The following TENM2 variants were observed in gnomAD, a reference collection of about 807,000 sequenced individuals.
TENM2 encodes teneurin transmembrane protein 2.
Under a neutral mutation model 245.2 loss-of-function variants are expected in TENM2, and 52 were observed. The ratio of observed to expected loss-of-function variants is 0.21; its 90% CI spans 0.17 to 0.27. The LOEUF is 0.27. Ranked by LOEUF, TENM2 falls within the 10% of genes least tolerant of loss-of-function variation. The pLI is 1.00. For missense variants in TENM2, 3,046 were observed against 3,666.8 expected (o/e 0.83, Z 4.37); for synonymous variants, 1,363 against 1,438.9 (o/e 0.95, Z 1.19).
chr5:167,707,388 G>T (rs1561692394), intron 2 of TENM2, among the ~76,000 whole-genome samples: 1 of 151,950 alleles, frequency 6.6e-6, no homozygotes, highest in Non-Finnish European at 1.5e-5. Context: ...TTGTTTTCTT[G>T]TTTTCTTTGC....
chr5:167,475,476 AT>A lies in TENM2; in HGVS notation c.502+100012del, dbSNP rs957650555. On this transcript the variant is annotated intron_variant, in intron 2 of 28. Coordinates refer to ENST00000518659, the Ensembl canonical transcript of TENM2. ...TAAAAATTTATTTAAAAAGCATATA[AT>A]TTTTTTTTGTTTGTTTTTACTTTAA... 7.3e-5 allele frequency among the ~76,000 whole-genome samples: 11 copies of A among 151,650 alleles called. No individual in the cohort carries two copies. In the South Asian group the frequency reaches 1.3e-3, roughly 17 times the overall value.
At chr5:167,630,251 G>A (rs1172837794) in intron 2 of TENM2, among the ~76,000 whole-genome samples, 2 of 151,976 alleles carry the variant, frequency 1.3e-5, no homozygotes, top group Non-Finnish European at 2.9e-5. Flanking sequence ...GTGCTTTGGG[G>A]CCATTATCAG....
rs554454313 is a variant in TENM2 at position 168,000,593 on chromosome 5, A to T, written c.1186+7411A>T. Among the ~76,000 whole-genome samples, 10 of 152,342 alleles carry T rather than the reference A, an allele frequency of 6.6e-5. No homozygotes were observed. In the South Asian group the frequency reaches 2.1e-3, roughly 32 times the overall value. On this transcript the variant is annotated intron_variant, in intron 5 of 28. Transcript: ENST00000518659. ...TGCATGCAACTCTTCTTCAAATCCAATGTCATCAATTATGAGAAATGCCAT... is the reference window on the plus strand; with the variant it reads ...TGCATGCAACTCTTCTTCAAATCCATTGTCATCAATTATGAGAAATGCCAT...
chr5:167,294,890 A>G (rs1253924285), intron 1 of TENM2, among the ~76,000 whole-genome samples: 1 of 152,078 alleles, frequency 6.6e-6, no homozygotes, highest in Non-Finnish European at 1.5e-5. Flanking sequence ...CTTGTGGAAT[A>G]CCTCTCTGCC....
Position 168,247,711 on chromosome 5 carries a change from G to C in TENM2, c.6772G>C (p.Gly2258Arg), listed in dbSNP as rs1265081367. ...CCTCCGGGATCGGATAACCAGACTC[G>C]GGGATGTGCAGTACAAAATTGACGA... The change falls in exon 27 of 29, where the codon GGG becomes CGG. Residue 2258 changes from glycine to arginine, a missense_variant. Gly to Arg is a moderately radical substitution (Grantham distance 125). Around this residue, in one of 2 missense-constraint regions of TENM2, gnomAD observed 2,704 missense variants for 3,331.9 expected, o/e 0.81. Transcript: ENST00000518659. The surrounding 1 kb of genome is among the most constrained non-coding windows in gnomAD (Gnocchi z 7.8). 6.2e-7 allele frequency: 1 copy of C among 1,613,856 alleles called. No individual in the cohort carries two copies. The highest frequency in any genetic ancestry group is 1.3e-5 in the African/African-American group (1 of 75,042).
At chr5:167,648,395 T>G (rs768169973) in intron 2 of TENM2, among the ~76,000 whole-genome samples, 9 of 152,224 alleles carry the variant, frequency 5.9e-5, no homozygotes, top group Non-Finnish European at 1.3e-4. Context: ...GGAATTATCT[T>G]TTGCTCACTA....
chr5:167,995,071 A>G (rs976036170), intron 5 of TENM2, among the ~76,000 whole-genome samples: 2 of 151,990 alleles, frequency 1.3e-5, no homozygotes, highest in Non-Finnish European at 2.9e-5. Flanking sequence ...AGTGAGCACC[A>G]CGGGGCCAGT....
At chr5:167,813,262 G>C (rs1232585624) in intron 2 of TENM2, among the ~76,000 whole-genome samples, 1 of 152,072 alleles carries the variant, frequency 6.6e-6, no homozygotes, top group African/African-American at 2.4e-5. Flanking sequence ...GTTTCCAGCA[G>C]TGAAATAAAG....
the TENM2 span, among the ~76,000 whole-genome samples, chr5:167,234,120 C>T: frequency 0.21 from 31,693 of 151,988 alleles, 3,883 homozygotes; most frequent in African/African-American, 0.34. Context: ...AGAAATAACA[C>T]AGGAGACTGG....
At chr5:167,172,624 CTTT>C in the TENM2 span, among the ~76,000 whole-genome samples, 1 of 139,838 alleles carries the variant, frequency 7.2e-6, no homozygotes. Flanking sequence ...TCATTTTCAT[CTTT>C]TTTTTTTTTT....
At chr5:167,083,622 C>T in the TENM2 span, among the ~76,000 whole-genome samples, 3,797 of 152,106 alleles carry the variant, frequency 0.025, 170 homozygotes, top group African/African-American at 0.085. Context: ...AGTGAAATGC[C>T]GGTAGCACAA....
chr5:167,941,436 T>C (rs193055585), intron 3 of TENM2, among the ~76,000 whole-genome samples: 6 of 152,330 alleles, frequency 3.9e-5, no homozygotes, highest in Non-Finnish European at 5.9e-5. Flanking sequence ...ACTGATTATT[T>C]TGATATTCTG....
At position 168,244,326 on chromosome 5, in the gene TENM2, T is replaced by G; in HGVS notation, c.5521-94T>G. 2 of 1,036,482 alleles carry G rather than the reference T, an allele frequency of 1.9e-6. No homozygotes were observed. Among genetic ancestry groups the G allele is most frequent in the Non-Finnish European group, 2.7e-6 (2 of 746,446 alleles). 64.2% of individuals were successfully genotyped at this position (1,036,482 alleles called of 1,614,324 possible). On this transcript the variant is annotated intron_variant, in intron 25 of 28. Coordinates refer to ENST00000518659, the Ensembl canonical transcript of TENM2. The surrounding 1 kb of genome is among the most constrained non-coding windows in gnomAD (Gnocchi z 4.9). ...GTTATTTCTTCCTCCAGTGAACACT[T>G]AAGCCCTGGCCATGCCAGCCATGTC...
intron 2 of TENM2, among the ~76,000 whole-genome samples, chr5:167,489,729 G>A (rs916085188): frequency 6.6e-6 from 1 of 152,152 alleles, no homozygotes; most frequent in African/African-American, 2.4e-5. Context: ...AGCACAGTAT[G>A]TACTGGATAT....
At chr5:167,160,357 A>G in the TENM2 span, among the ~76,000 whole-genome samples, 1 of 152,184 alleles carries the variant, frequency 6.6e-6, no homozygotes, top group East Asian at 1.9e-4. Flanking sequence ...AATGGTCCCT[A>G]CCACTCATGC....
At chr5:167,596,807 AAAAG>A (rs1307096320) in intron 2 of TENM2, among the ~76,000 whole-genome samples, 1 of 151,884 alleles carries the variant, frequency 6.6e-6, no homozygotes, top group Non-Finnish European at 1.5e-5. Context: ...AAAAAAAAAA[AAAAG>A]AAGAAAAGAA....
intron 2 of TENM2, among the ~76,000 whole-genome samples, chr5:167,698,691 T>TG (rs201298425): frequency 0.04 from 5,878 of 146,282 alleles, 428 homozygotes; most frequent in African/African-American, 0.14. Flanking sequence ...TTTTTTTTTT[T>TG]TTTTTTTTTT....
At chr5:167,673,345 C>T (rs182731423) in intron 2 of TENM2, among the ~76,000 whole-genome samples, 42 of 151,936 alleles carry the variant, frequency 2.8e-4, no homozygotes, top group African/African-American at 9.9e-4. Context: ...AAGATGGTTC[C>T]CATTAACACC....
chr5:167,466,829 C>A (rs991828110), intron 2 of TENM2, among the ~76,000 whole-genome samples: 1 of 152,096 alleles, frequency 6.6e-6, no homozygotes, highest in African/African-American at 2.4e-5. Flanking sequence ...GATTTTCTCA[C>A]GTAAGCAAGG....
Sources: allele counts gnomAD v4.1 joint callset (sites outside exome capture counted in the v4.1 genomes callset), GRCh38; gene constraint gnomAD v4.1.1; regional missense constraint gnomAD v4.1.1; non-coding constraint Gnocchi (gnomAD v3.1); transcripts MANE v1.5; gene names NCBI Gene and HGNC (gene_info 2026-07-23, HGNC 2026-07-21).